Variants in TFDP2 observed in about 807,000 individuals in gnomAD.
The protein encoded by TFDP2 is transcription factor Dp-2.
Under a neutral mutation model 59.3 loss-of-function variants are expected in TFDP2, and 17 were observed. That is an observed-to-expected ratio of 0.29 (90% CI 0.20 to 0.43). The LOEUF (loss-of-function observed/expected upper bound fraction) is 0.43, where lower values mean the gene tolerates loss of function less well. Among genes scored for constraint, TFDP2 ranks in the 20% least tolerant of loss-of-function variants. The pLI is 1.00. For missense variants in TFDP2, 391 were observed against 528.8 expected (o/e 0.74, Z 2.56); for synonymous variants, 180 against 194.7 (o/e 0.92, Z 0.63).
At chr3:142,055,148 G>A (rs1231755743) in intron 3 of TFDP2, among the ~76,000 whole-genome samples, 1 of 152,174 alleles carries the variant, frequency 6.6e-6, no homozygotes, top group African/African-American at 2.4e-5. Flanking sequence ...GATTCAACAA[G>A]CATTGAATTG....
intron 1 of TFDP2, among the ~76,000 whole-genome samples, chr3:142,133,422 T>C (rs1429104223): frequency 6.7e-6 from 1 of 149,598 alleles, no homozygotes; most frequent in Non-Finnish European, 1.5e-5. Flanking sequence ...GTTTCACTAG[T>C]CTCATACTCC....
At chr3:142,136,370 T>C (rs1286466209) in intron 1 of TFDP2, among the ~76,000 whole-genome samples, 1 of 152,136 alleles carries the variant, frequency 6.6e-6, no homozygotes, top group East Asian at 1.9e-4. Flanking sequence ...ATTCTGTAGG[T>C]TGCCTGTTCA....
At chr3:142,090,026 T>C (rs1378145525) in intron 3 of TFDP2, among the ~76,000 whole-genome samples, 2 of 152,168 alleles carry the variant, frequency 1.3e-5, no homozygotes, top group Admixed American at 6.5e-5. Flanking sequence ...ACAACTCTCA[T>C]CTTGGGCCTG....
rs931690507 is a variant in TFDP2, at chr3:141,959,763, G to A, written c.962C>T (p.Ser321Leu). 8.7e-6 allele frequency: 14 copies of A among 1,613,992 alleles called. No homozygotes were observed. The highest frequency in any genetic ancestry group is 2.2e-5 in the South Asian group (2 of 91,078). ...DIEVLKRMGM[S>L]FGLESGKCSL... ...GCATTTGCCTGACTCCAGGCCAAAC[G>A]ACATTCCCATCCGCTTTAGTACTTC... is the stretch of plus-strand genomic sequence containing the variant. The change falls in exon 11 of 13, where the codon TCG becomes TTG. Residue 321 changes from serine (S) to leucine (L), a missense_variant. By Grantham distance (145) the Ser-to-Leu change is moderately radical. Transcript: ENST00000489671.
chr3:142,097,431 C>G (rs950925053), intron 2 of TFDP2, among the ~76,000 whole-genome samples: 3 of 152,156 alleles, frequency 2.0e-5, no homozygotes, highest in Non-Finnish European at 4.4e-5. Flanking sequence ...TGGCTCATGC[C>G]TGTAATAGGA....
At position 141,979,143 on chromosome 3, in the gene TFDP2, T is replaced by C. The variant is rs1490549563; in HGVS notation, c.357-461A>G. ...CAACAGTAGTCCAATAAGATTACAA[T>C]GGAGCTGAAAAATTCTCATTGCCTA... On this transcript the variant is annotated intron_variant, in intron 6 of 12. Coordinates refer to ENST00000489671, the MANE Select transcript of TFDP2 (RefSeq NM_001178139.2). Among the ~76,000 whole-genome samples the C allele has an allele frequency of 2.6e-5, 4 of 152,238 alleles. No individual in the cohort carries two copies. The East Asian group carries it at 7.7e-4, about 29-fold the overall frequency.
At position 142,026,379 on chromosome 3, in the gene TFDP2, CT is replaced by C. The variant is rs1428067374; in HGVS notation, c.83-20836del. Reference sequence around the variant, plus strand: ...CTTCAGGTAAGCCCACAGATCTTAGCTAACAGCAAGAGGAATTTTTAATAAT... The same window carrying C: ...CTTCAGGTAAGCCCACAGATCTTAGCAACAGCAAGAGGAATTTTTAATAAT... On this transcript the variant is annotated intron_variant, in intron 3 of 12. Coordinates refer to ENST00000489671, the MANE Select transcript of TFDP2 (RefSeq NM_001178139.2). Among the ~76,000 whole-genome samples, 12 of 152,182 alleles carry C rather than the reference CT, an allele frequency of 7.9e-5. No homozygotes were observed. In the East Asian group the frequency reaches 2.3e-3, roughly 29 times the overall value.
chr3:141,988,513 C>T (rs1942382752), intron 6 of TFDP2, among the ~76,000 whole-genome samples: 1 of 152,120 alleles, frequency 6.6e-6, no homozygotes, highest in Non-Finnish European at 1.5e-5. Flanking sequence ...CCCTCTAGTT[C>T]TCCTGCCTCA....
intron 1 of TFDP2, among the ~76,000 whole-genome samples, chr3:142,118,478 C>T (rs986221331): frequency 1.3e-4 from 19 of 151,956 alleles, no homozygotes; most frequent in African/African-American, 4.6e-4. Flanking sequence ...TGAAGAAGAC[C>T]TTGAATCGGA....
rs1054408374 is a variant in TFDP2, at chr3:141,947,347, T to C, written c.*5166A>G. ...CAGCCCATATGCAGAATACAGATGA[T>C]CTCTTTGATGTAGCCAACAACTTAG... On this transcript the variant is annotated 3_prime_UTR_variant, in exon 13 of 13. Transcript: ENST00000489671. The C allele has an allele frequency of 6.6e-6, 1 of 152,220 alleles. No homozygotes were observed. Among genetic ancestry groups the C allele is most frequent in the South Asian group, 2.1e-4 (1 of 4,834 alleles). 9.4% of individuals were successfully genotyped at this position (152,220 alleles called of 1,614,324 possible). A position where few individuals can be genotyped will look rare whatever the true frequency, so the allele number is the denominator to read the frequency against.
chr3:141,963,731 T>C, intron 10 of TFDP2, 81 bp downstream of exon 10: 1 of 1,490,936 alleles, frequency 6.7e-7, no homozygotes. Flanking sequence ...ACTAATAAAG[T>C]GCATCCTTCT....
In TFDP2 at chr3:142,043,110, G is replaced by A. The variant is rs1193176903; in HGVS notation, c.83-37566C>T. Among the ~76,000 whole-genome samples, 5 of 150,624 alleles carry A rather than the reference G, an allele frequency of 3.3e-5. No homozygotes were observed. The East Asian group carries it at 9.8e-4, about 30-fold the overall frequency. On this transcript the variant is annotated intron_variant, in intron 3 of 12. Coordinates refer to ENST00000489671, the MANE Select transcript of TFDP2 (RefSeq NM_001178139.2). ...CGCCCAGGCTGGAGTGCAGTGGCAC[G>A]ATCTCGGCTCACTGCAAGCTCCGCC... is the stretch of plus-strand genomic sequence containing the variant.
At chr3:141,967,159 C>A (rs1219273620) in intron 9 of TFDP2, among the ~76,000 whole-genome samples, 1 of 151,468 alleles carries the variant, frequency 6.6e-6, no homozygotes, top group Non-Finnish European at 1.5e-5. Context: ...TCGTGATCTG[C>A]CCACCTCGGC....
At chr3:142,065,509 G>GGGGTGT (rs1553794515) in intron 3 of TFDP2, among the ~76,000 whole-genome samples, 8 of 148,254 alleles carry the variant, frequency 5.4e-5, no homozygotes, top group Non-Finnish European at 4.5e-5. Context: ...TGTGTGTGTG[G>GGGGTGT]GTGTGTGTGT....
chr3:141,984,296 T>C (rs1328299222), intron 6 of TFDP2, among the ~76,000 whole-genome samples: 1 of 151,976 alleles, frequency 6.6e-6, no homozygotes, highest in East Asian at 1.9e-4. Context: ...GGTCAAGAGA[T>C]CAAGACCATC....
Position 141,944,538 on chromosome 3 carries a change from CCTTTA to C in TFDP2, c.*7970_*7974del, listed in dbSNP as rs1423444967. On this transcript the variant is annotated 3_prime_UTR_variant, in exon 13 of 13. Transcript: ENST00000489671. Reference sequence around the variant, plus strand: ...CACTCATTTGAGATGCTTTTTCTTTCCTTTAATCTTATAGGATGGACAAAGATACA... The same window carrying C: ...CACTCATTTGAGATGCTTTTTCTTTCATCTTATAGGATGGACAAAGATACA... The C allele has an allele frequency of 6.6e-6, 1 of 151,930 alleles. No homozygotes were observed. Among genetic ancestry groups the C allele is most frequent in the Non-Finnish European group, 1.5e-5 (1 of 67,942 alleles). The allele number at this position is 151,930 out of a possible 1,614,324, so 9.4% of individuals were successfully genotyped here. A position where few individuals can be genotyped will look rare whatever the true frequency, so the allele number is the denominator to read the frequency against.
At chr3:142,114,362 AT>A (rs1435171776) in intron 1 of TFDP2, among the ~76,000 whole-genome samples, 1 of 152,236 alleles carries the variant, frequency 6.6e-6, no homozygotes, top group Non-Finnish European at 1.5e-5. Context: ...GTTTTAAAAA[AT>A]ATAGGATATT....
At chr3:142,019,189 T>C (rs997158069) in intron 3 of TFDP2, among the ~76,000 whole-genome samples, 1 of 151,884 alleles carries the variant, frequency 6.6e-6, no homozygotes, top group African/African-American at 2.4e-5. Context: ...CTCAGCCTCC[T>C]GAGTAGCTGG....
At chr3:142,082,700 T>C (rs187645498) in intron 3 of TFDP2, among the ~76,000 whole-genome samples, 3 of 152,304 alleles carry the variant, frequency 2.0e-5, no homozygotes, top group East Asian at 3.9e-4. Context: ...ATCCCAGAGA[T>C]GCAAAATGGC....
Sources: gnomAD v4.1 joint callset for allele counts (sites outside exome capture counted in the v4.1 genomes callset) on GRCh38, gnomAD v4.1.1 for gene constraint, MANE v1.5 for transcripts, NCBI Gene and HGNC (gene_info 2026-07-23, HGNC 2026-07-21) for gene names.